ANKS1B: variants seen among roughly 807,000 people sequenced by gnomAD.
The protein encoded by ANKS1B is ankyrin repeat and sterile alpha motif domain-containing protein 1B.
ANKS1B carries 36 observed loss-of-function variants against 148.3 expected under a neutral mutation model. The ratio of observed to expected loss-of-function variants is 0.24; its 90% CI spans 0.19 to 0.32. The LOEUF is 0.32. ANKS1B is among the 10% of genes least tolerant of loss of function. ANKS1B has a pLI of 1.00. For missense variants in ANKS1B, 1,157 were observed against 1,542.6 expected (o/e 0.75, Z 4.19); for synonymous variants, 542 against 560.8 (o/e 0.97, Z 0.47).
intron 9 of ANKS1B, among the ~76,000 whole-genome samples, chr12:99,545,098 G>A (rs996268886): frequency 6.6e-6 from 1 of 152,062 alleles, no homozygotes; most frequent in Non-Finnish European, 1.5e-5. Flanking sequence ...ATGATTAATT[G>A]CACAGGACAT....
intron 4 of ANKS1B, among the ~76,000 whole-genome samples, chr12:99,782,943 A>G (rs766594878): frequency 1.5e-4 from 23 of 152,186 alleles, no homozygotes; most frequent in Non-Finnish European, 3.2e-4. Flanking sequence ...TAATCCCAGC[A>G]CTTTGGGAGC....
intron 25 of ANKS1B, among the ~76,000 whole-genome samples, chr12:98,761,485 A>C (rs1296139345): frequency 1.3e-5 from 2 of 152,226 alleles, no homozygotes; most frequent in Non-Finnish European, 2.9e-5. Context: ...GCTCAGAGCT[A>C]GAGAGAGCCC....
intron 16 of ANKS1B, among the ~76,000 whole-genome samples, chr12:99,072,900 G>C (rs1370660686): frequency 6.6e-6 from 1 of 152,134 alleles, no homozygotes; most frequent in Non-Finnish European, 1.5e-5. Context: ...TCAATAGCTA[G>C]TACAGTGCCT....
chr12:99,371,139 G>T (rs534886817), intron 12 of ANKS1B, among the ~76,000 whole-genome samples: 66 of 151,664 alleles, frequency 4.4e-4, no homozygotes, highest in Non-Finnish European at 8.7e-4. Flanking sequence ...TGCTTTTTTT[G>T]TGTGTGTGTT....
chr12:99,292,158 G>T (rs566570516), intron 12 of ANKS1B, among the ~76,000 whole-genome samples: 202 of 151,940 alleles, frequency 1.3e-3, no homozygotes, highest in African/African-American at 4.5e-3. Context: ...AGACAAATGG[G>T]ATCTAATTAA....
At chr12:99,358,950 TG>T (rs2092267675) in intron 12 of ANKS1B, among the ~76,000 whole-genome samples, 1 of 152,028 alleles carries the variant, frequency 6.6e-6, no homozygotes, top group African/African-American at 2.4e-5. Flanking sequence ...GGTACAGCCA[TG>T]GGGGAGAAAG....
At chr12:99,243,898 T>C (rs1020330830) in intron 14 of ANKS1B, among the ~76,000 whole-genome samples, 1 of 152,098 alleles carries the variant, frequency 6.6e-6, no homozygotes, top group Non-Finnish European at 1.5e-5. Flanking sequence ...AGGGATAGCA[T>C]TAGGAGAAAT....
chr12:99,790,971 A>G (rs1008198690), intron 4 of ANKS1B, among the ~76,000 whole-genome samples: 4 of 152,082 alleles, frequency 2.6e-5, no homozygotes, highest in African/African-American at 7.2e-5. Flanking sequence ...TCCAATCAAA[A>G]GACATAGAGT....
intron 7 of ANKS1B, among the ~76,000 whole-genome samples, chr12:99,774,241 G>A (rs1399667895): frequency 6.6e-6 from 1 of 152,024 alleles, no homozygotes; most frequent in African/African-American, 2.4e-5. Flanking sequence ...GATCTGGTAA[G>A]GGGTTAATGT....
At chr12:99,392,423 G>A (rs1028649030) in intron 12 of ANKS1B, among the ~76,000 whole-genome samples, 1 of 152,110 alleles carries the variant, frequency 6.6e-6, no homozygotes, top group South Asian at 2.1e-4. Flanking sequence ...TTTTGTTTTT[G>A]TTATTTCTCC....
chr12:98,746,013 G>A (rs1565954753), intron 26 of ANKS1B, 164 bp from the exon 27 acceptor site: 2 of 663,906 alleles, frequency 3.0e-6, no homozygotes, highest in Non-Finnish European at 4.8e-6. Flanking sequence ...CACATTTACC[G>A]CATACCGACT....
At chr12:99,062,396 T>C (rs2042742078) in intron 16 of ANKS1B, among the ~76,000 whole-genome samples, 1 of 152,072 alleles carries the variant, frequency 6.6e-6, no homozygotes, top group African/African-American at 2.4e-5. Context: ...GACTTTGTAG[T>C]GTGAGAAGAG....
chr12:98,753,381 A>C (rs1220287621), intron 25 of ANKS1B, among the ~76,000 whole-genome samples: 1 of 152,138 alleles, frequency 6.6e-6, no homozygotes, highest in Non-Finnish European at 1.5e-5. Flanking sequence ...AGTGTTCTGA[A>C]GGTCACTGTA....
chr12:99,055,726 G>GGT (rs1555196743), intron 16 of ANKS1B, among the ~76,000 whole-genome samples: 1 of 150,402 alleles, frequency 6.6e-6, no homozygotes, highest in South Asian at 2.1e-4. Flanking sequence ...AAACTTGGGG[G>GGT]GGGGGGAGGT....
chr12:99,336,029 T>C (rs1030539269), intron 12 of ANKS1B, among the ~76,000 whole-genome samples: 22 of 152,264 alleles, frequency 1.4e-4, no homozygotes, highest in African/African-American at 5.1e-4. Flanking sequence ...GCATTCACTA[T>C]TATTGCCTGT....
At chr12:99,371,400 G>GT (rs1262777895) in intron 12 of ANKS1B, among the ~76,000 whole-genome samples, 1 of 152,090 alleles carries the variant, frequency 6.6e-6, no homozygotes, top group East Asian at 1.9e-4. Context: ...CTGAGCTTTA[G>GT]TGATCTCTGT....
intron 19 of ANKS1B, among the ~76,000 whole-genome samples, chr12:98,808,749 G>T (rs1454250194): frequency 1.3e-5 from 2 of 152,152 alleles, no homozygotes; most frequent in Non-Finnish European, 2.9e-5. Flanking sequence ...TGAGCTCTTG[G>T]CTTGACCCAT....
intron 10 of ANKS1B, among the ~76,000 whole-genome samples, chr12:99,472,849 AAAAG>A (rs1301268296): frequency 1.3e-5 from 2 of 152,092 alleles, no homozygotes; most frequent in Non-Finnish European, 2.9e-5. Context: ...ATTGTGCATG[AAAAG>A]AAAGTCCTTG....
chr12:99,784,195 G>A (rs1293195927), intron 4 of ANKS1B, among the ~76,000 whole-genome samples: 12 of 139,812 alleles, frequency 8.6e-5, no homozygotes, highest in African/African-American at 2.4e-4. Context: ...TTTTTGAGAC[G>A]GAGTCTCGCT....
Sources: gnomAD v4.1 joint callset for allele counts (sites outside exome capture counted in the v4.1 genomes callset) on GRCh38, gnomAD v4.1.1 for gene constraint, MANE v1.5 for transcripts, NCBI Gene and HGNC (gene_info 2026-07-23, HGNC 2026-07-21) for gene names.